The following FAM162A variants were observed in gnomAD, a reference collection of about 807,000 sequenced individuals.
FAM162A encodes the protein protein FAM162A.
FAM162A carries 23 observed loss-of-function variants against 21.8 expected under a neutral mutation model. That is an observed-to-expected ratio of 1.05 (90% CI 0.76 to 1.49). The LOEUF (loss-of-function observed/expected upper bound fraction) is 1.49. FAM162A is among the 40% of genes most tolerant of loss of function. The pLI is 0.00. For synonymous variants in FAM162A, 53 were observed against 61.3 expected (o/e 0.86, Z 0.64); for missense variants, 165 against 186.4 (o/e 0.89, Z 0.67).
chr3:122,406,163 G>T (rs1283120675), intron 3 of FAM162A, among the ~76,000 whole-genome samples: 1 of 152,184 alleles, frequency 6.6e-6, no homozygotes, highest in Non-Finnish European at 1.5e-5. Context: ...ATCATCTAGA[G>T]ATAATCACTT....
At chr3:122,394,115 G>T (rs1012145953) in intron 1 of FAM162A, among the ~76,000 whole-genome samples, 3 of 152,134 alleles carry the variant, frequency 2.0e-5, no homozygotes, top group Non-Finnish European at 4.4e-5. Flanking sequence ...AGAGAGATCA[G>T]GGAGGTGCCA....
intron 1 of FAM162A, among the ~76,000 whole-genome samples, chr3:122,399,271 T>C (rs899651644): frequency 1.1e-4 from 17 of 152,202 alleles, no homozygotes; most frequent in Non-Finnish European, 2.2e-4. Flanking sequence ...ATGCTCTCAT[T>C]CTTTTTTTAT....
chr3:122,389,929 TTGG>T (rs2107695545), intron 1 of FAM162A, among the ~76,000 whole-genome samples: 1 of 152,312 alleles, frequency 6.6e-6, no homozygotes, highest in South Asian at 2.1e-4. Flanking sequence ...GTGTAACAAC[TTGG>T]TGGTACAAAG....
At chr3:122,403,899 T>C (rs1165161513) in intron 2 of FAM162A, among the ~76,000 whole-genome samples, 1 of 152,206 alleles carries the variant, frequency 6.6e-6, no homozygotes, top group East Asian at 1.9e-4. Context: ...GTACAGATAA[T>C]AAGCCTTCCT....
chr3:122,384,364 C>T, intron 1 of FAM162A, 65 bp downstream of exon 1: 1 of 1,535,510 alleles, frequency 6.5e-7, no homozygotes, highest in Non-Finnish European at 8.8e-7. Context: ...TGGGGGAATC[C>T]TGAAGCCTTC....
chr3:122,410,224 C>A lies in FAM162A; in HGVS notation c.*393C>A. 3.1e-6 allele frequency: 1 copy of A among 321,084 alleles called. No homozygotes were observed. Among genetic ancestry groups the A allele is most frequent in the South Asian group, 2.6e-5 (1 of 38,752 alleles). The allele number at this position is 321,084 out of a possible 1,614,324, so 19.9% of individuals were successfully genotyped here. A position where few individuals can be genotyped will look rare whatever the true frequency, so the allele number is the denominator to read the frequency against. On this transcript the variant is annotated 3_prime_UTR_variant, in exon 5 of 5. Transcript: ENST00000477892. ...GCCCAGGTGCAGCTTGGAGGGCCAG[C>A]CTTCTCAAATGTCCTGGTGTACTGG...
Position 122,405,483 on chromosome 3 carries a change from A to G in FAM162A, c.263+1120A>G, listed in dbSNP as rs187312592. 9.2e-5 allele frequency among the ~76,000 whole-genome samples: 14 copies of G among 152,366 alleles called. No homozygotes were observed. In the East Asian group the frequency reaches 9.6e-4, roughly 10 times the overall value. ...AGCTCAAGTCATGTATTCTTCTGGG[A>G]AATAAGAGAATACTGGAAATAACAG... On this transcript the variant is annotated intron_variant, in intron 3 of 4. Coordinates refer to ENST00000477892, the MANE Select transcript of FAM162A (RefSeq NM_014367.4).
At position 122,409,921 on chromosome 3, in the gene FAM162A, T is replaced by C. The variant is rs2075696689; in HGVS notation, c.*90T>C. ...AAAAGGATGTGGTATGAGGATCCAT[T>C]TCATAAAGTATGATTTGCCCAAACC... is the stretch of plus-strand genomic sequence containing the variant. On this transcript the variant is annotated 3_prime_UTR_variant, in exon 5 of 5. Coordinates refer to ENST00000477892, the MANE Select transcript of FAM162A (RefSeq NM_014367.4). 1 of 1,119,242 alleles carries C rather than the reference T, an allele frequency of 8.9e-7. No individual in the cohort carries two copies. The highest frequency in any genetic ancestry group is 1.8e-5 in the Admixed American group (1 of 54,120). 69.3% of individuals were successfully genotyped at this position (1,119,242 alleles called of 1,614,324 possible).
rs1264546254 is a variant in FAM162A at position 122,410,558 on chromosome 3, T to C, written c.*727T>C. On this transcript the variant is annotated 3_prime_UTR_variant, in exon 5 of 5. Coordinates refer to ENST00000477892, the MANE Select transcript of FAM162A (RefSeq NM_014367.4). ...TACTGTTAGAAGTATTTGCACCTCA[T>C]ATATATCTCATTTACAGTTTGACCT... The C allele has an allele frequency of 6.6e-6, 1 of 152,348 alleles. No homozygotes were observed. Among genetic ancestry groups the C allele is most frequent in the Non-Finnish European group, 1.5e-5 (1 of 68,132 alleles). The allele number at this position is 152,348 out of a possible 1,614,324, so 9.4% of individuals were successfully genotyped here.
intron 1 of FAM162A, among the ~76,000 whole-genome samples, chr3:122,398,428 T>G (rs902652174): frequency 2.6e-5 from 4 of 152,188 alleles, no homozygotes; most frequent in Non-Finnish European, 5.9e-5. Context: ...TGTGGCATAA[T>G]AAGACAGACA....
At chr3:122,384,853 T>C (rs1046367328) in intron 1 of FAM162A, among the ~76,000 whole-genome samples, 24 of 152,242 alleles carry the variant, frequency 1.6e-4, no homozygotes, top group Admixed American at 1.4e-3. Flanking sequence ...TAAACACTTA[T>C]ACAATTAATT....
intron 3 of FAM162A, among the ~76,000 whole-genome samples, chr3:122,405,411 A>G (rs1283845096): frequency 2.0e-5 from 3 of 152,222 alleles, no homozygotes; most frequent in Admixed American, 1.3e-4. Context: ...TTGATAGCAC[A>G]TTACTTTAAC....
rs892344777 is a variant in FAM162A, at chr3:122,384,248, G to A, written c.-18G>A. 2 of 1,568,078 alleles carry A rather than the reference G, an allele frequency of 1.3e-6. No homozygotes were observed. The highest frequency in any genetic ancestry group is 2.4e-5 in the East Asian group (1 of 42,388). ...CCCCGGCGAAGTTCTGCGCTGGTCGGCGGAGTAGCAAGTGGCCATGGGGAG... is the reference window on the plus strand; with the variant it reads ...CCCCGGCGAAGTTCTGCGCTGGTCGACGGAGTAGCAAGTGGCCATGGGGAG... On this transcript the variant is annotated 5_prime_UTR_variant, in exon 1 of 5. Coordinates refer to ENST00000477892, the MANE Select transcript of FAM162A (RefSeq NM_014367.4).
chr3:122,394,517 A>G (rs1413992834), intron 1 of FAM162A, among the ~76,000 whole-genome samples: 1 of 152,216 alleles, frequency 6.6e-6, no homozygotes, highest in Non-Finnish European at 1.5e-5. Flanking sequence ...GAACAACTCT[A>G]TGGCAAAAAT....
Position 122,411,558 on chromosome 3 carries a change from A to ACCTT in FAM162A, c.*1728_*1731dup, listed in dbSNP as rs918768624. ...CATTTATGAGCTTAAATTTAATGAA[A>ACCTT]CCTTTTTTTTTTTTTTGAGACAGTC... is the stretch of plus-strand genomic sequence containing the variant. On this transcript the variant is annotated 3_prime_UTR_variant, in exon 5 of 5. Transcript: ENST00000477892. The ACCTT allele has an allele frequency of 6.7e-6, 1 of 148,280 alleles. No individual in the cohort carries two copies. Among genetic ancestry groups the ACCTT allele is most frequent in the Admixed American group, 6.7e-5 (1 of 14,936 alleles). The allele number at this position is 148,280 out of a possible 1,614,324, so 9.2% of individuals were successfully genotyped here. A position where few individuals can be genotyped will look rare whatever the true frequency, so the allele number is the denominator to read the frequency against.
intron 1 of FAM162A, among the ~76,000 whole-genome samples, chr3:122,395,583 CTT>C (rs2075623314): frequency 6.6e-6 from 1 of 152,138 alleles, no homozygotes; most frequent in Non-Finnish European, 1.5e-5. Flanking sequence ...GTTTGAGAGA[CTT>C]AATATTTTTA....
intron 2 of FAM162A, among the ~76,000 whole-genome samples, chr3:122,403,208 A>G (rs1377586465): frequency 6.6e-6 from 1 of 152,146 alleles, no homozygotes; most frequent in African/African-American, 2.4e-5. Flanking sequence ...ATGCAGGCCC[A>G]TCTTCCTACG....
intron 1 of FAM162A, among the ~76,000 whole-genome samples, chr3:122,399,354 C>G (rs2075643095): frequency 6.6e-6 from 1 of 151,866 alleles, no homozygotes; most frequent in Admixed American, 6.6e-5. Flanking sequence ...GAGACACAGT[C>G]TCACTCTTGC....
intron 1 of FAM162A, among the ~76,000 whole-genome samples, chr3:122,398,897 G>C (rs2075641000): frequency 6.6e-6 from 1 of 152,142 alleles, no homozygotes; most frequent in African/African-American, 2.4e-5. Context: ...AATCTAGTAA[G>C]GGGTAGATAG....
Sources: allele counts gnomAD v4.1 joint callset (sites outside exome capture counted in the v4.1 genomes callset), GRCh38; gene constraint gnomAD v4.1.1; transcripts MANE v1.5; gene names NCBI Gene and HGNC (gene_info 2026-07-23, HGNC 2026-07-21).